The following TANC2 variants were observed in gnomAD, a reference collection of about 807,000 sequenced individuals.
TANC2 encodes the protein tetratricopeptide repeat, ankyrin repeat and coiled-coil containing 2, also known as protein TANC2.
In TANC2, 26 loss-of-function variants were observed where a neutral mutation model predicts 210.5. The observed-to-expected ratio is 0.12, with a 90% CI of 0.09 to 0.17. The LOEUF is 0.17. TANC2 is among the 10% of genes least tolerant of loss of function. TANC2 has a pLI of 1.00. For missense variants in TANC2, 2,129 were observed against 2,608.9 expected (o/e 0.82, Z 4.01); for synonymous variants, 931 against 967.1 (o/e 0.96, Z 0.69).
intron 11 of TANC2, among the ~76,000 whole-genome samples, chr17:63,319,853 AC>A (rs888132997): frequency 1.5e-4 from 23 of 152,046 alleles, no homozygotes; most frequent in African/African-American, 5.1e-4. Flanking sequence ...CTCTTCCTCT[AC>A]CCCACCCATC....
At chr17:63,049,222 A>C (rs1272893277) in intron 2 of TANC2, among the ~76,000 whole-genome samples, 1 of 152,164 alleles carries the variant, frequency 6.6e-6, no homozygotes, top group Non-Finnish European at 1.5e-5. Flanking sequence ...ATTGAATATA[A>C]AATTATTTGT....
At chr17:63,201,356 G>T (rs754923495) in intron 7 of TANC2, among the ~76,000 whole-genome samples, 7 of 152,162 alleles carry the variant, frequency 4.6e-5, no homozygotes, top group Non-Finnish European at 8.8e-5. Context: ...GATTTGAGTT[G>T]TTCTGGGTCT....
chr17:63,170,557 A>G (rs986126237), intron 5 of TANC2, among the ~76,000 whole-genome samples: 2 of 152,140 alleles, frequency 1.3e-5, no homozygotes, highest in Non-Finnish European at 2.9e-5. Flanking sequence ...AAATTCTAGC[A>G]TTTGTATTTT....
At chr17:63,296,520 C>G (rs1372389470) in intron 9 of TANC2, among the ~76,000 whole-genome samples, 1 of 152,142 alleles carries the variant, frequency 6.6e-6, no homozygotes, top group African/African-American at 2.4e-5. Flanking sequence ...AAGGCATACA[C>G]AGAAATAGGA....
chr17:63,379,753 G>A lies in TANC2; in HGVS notation c.2618G>A (p.Arg873His). Residue 873 changes from arginine to histidine, a missense_variant, in exon 15 of 28, where the codon CGC becomes CAC. Physicochemically the swap from Arg to His is conservative, Grantham distance 29. This residue lies in a region of TANC2 where 644 missense variants were observed against 937.5 expected (regional missense o/e 0.69). Coordinates refer to ENST00000689528, the Ensembl canonical transcript of TANC2. ...ACGTTACTTGCCTTCTGGTTTTCCC[G>A]CCAAGAGGGAAAACTAAACCGACAG... 1 of 1,612,350 alleles carries A rather than the reference G, an allele frequency of 6.2e-7. No homozygotes were observed. Among genetic ancestry groups the A allele is most frequent in the Non-Finnish European group, 8.5e-7 (1 of 1,178,990 alleles).
intron 2 of TANC2, among the ~76,000 whole-genome samples, chr17:63,071,338 G>A (rs2036389804): frequency 6.6e-6 from 1 of 152,002 alleles, no homozygotes; most frequent in African/African-American, 2.4e-5. Context: ...CCTAATTGGA[G>A]TGTGGTGGTG....
exon 28 of TANC2, chr17:63,425,022 A>C (rs1198968931): frequency 2.6e-5 from 4 of 152,264 alleles, no homozygotes; most frequent in Non-Finnish European, 5.9e-5. Flanking sequence ...TTAACAATTA[A>C]CAATTAATGT....
chr17:63,402,675 C>T (rs1419614063), intron 19 of TANC2, among the ~76,000 whole-genome samples: 8 of 152,266 alleles, frequency 5.3e-5, no homozygotes, highest in Admixed American at 6.5e-5. Context: ...AGATGTTTCC[C>T]GTTGAAAAAA....
intron 14 of TANC2, among the ~76,000 whole-genome samples, chr17:63,371,231 G>A (rs1486668937): frequency 2.0e-5 from 3 of 152,086 alleles, no homozygotes; most frequent in South Asian, 2.1e-4. Context: ...TTGGGAGGCC[G>A]AGGCAGGTGG....
At chr17:63,327,507 G>A (rs2045688033) in intron 11 of TANC2, among the ~76,000 whole-genome samples, 1 of 152,116 alleles carries the variant, frequency 6.6e-6, no homozygotes, top group Non-Finnish European at 1.5e-5. Flanking sequence ...TTTTAAAAAA[G>A]CAGTTTGGAA....
chr17:63,210,440 C>T (rs2041850157), intron 7 of TANC2, among the ~76,000 whole-genome samples: 1 of 152,228 alleles, frequency 6.6e-6, no homozygotes, highest in African/African-American at 2.4e-5. Flanking sequence ...CCCTCCTCTA[C>T]ACTTATGAGA....
At chr17:63,212,560 A>G (rs2041918092) in intron 7 of TANC2, among the ~76,000 whole-genome samples, 1 of 152,176 alleles carries the variant, frequency 6.6e-6, no homozygotes, top group Admixed American at 6.5e-5. Context: ...TTACATTAGG[A>G]AAATGGAATG....
intron 8 of TANC2, among the ~76,000 whole-genome samples, chr17:63,253,167 G>A (rs558225623): frequency 2.0e-5 from 3 of 152,012 alleles, no homozygotes; most frequent in Non-Finnish European, 2.9e-5. Flanking sequence ...ATAATATCTC[G>A]CTGAAGTTTT....
At chr17:63,005,490 A>AG in intron 1 of TANC2, among the ~76,000 whole-genome samples, 1 of 151,990 alleles carries the variant, frequency 6.6e-6, no homozygotes, top group Admixed American at 6.5e-5. Context: ...ACAAAAAAAA[A>AG]AGCCTGCTGG....
At position 63,277,415 on chromosome 17, in the gene TANC2, A is replaced by G. The variant is rs183695026; in HGVS notation, c.1159+9542A>G. Among the ~76,000 whole-genome samples the G allele has an allele frequency of 4.8e-3, 725 of 151,904 alleles. 4 individuals are homozygous for G. The highest frequency in any genetic ancestry group is 7.9e-3 in the Non-Finnish European group (538 of 67,962). On this transcript the variant is annotated intron_variant, in intron 9 of 27. Transcript: ENST00000689528. Reference sequence around the variant, plus strand: ...GTATTAAGCCGAAGACCCATCAGTTATCTTTTCTGCTTCTCTGGTCTTTCT... The same window carrying G: ...GTATTAAGCCGAAGACCCATCAGTTGTCTTTTCTGCTTCTCTGGTCTTTCT...
At chr17:63,046,206 C>CTGGA (rs1202986684) in intron 2 of TANC2, among the ~76,000 whole-genome samples, 1 of 151,346 alleles carries the variant, frequency 6.6e-6, no homozygotes, top group African/African-American at 2.4e-5. Context: ...GTTGCCCAGG[C>CTGGA]TGGAGTGCAG....
Position 63,360,693 on chromosome 17 carries a change from C to G in TANC2, c.2582+5303C>G, listed in dbSNP as rs540364570. Among the ~76,000 whole-genome samples the G allele has an allele frequency of 6.6e-5, 10 of 152,242 alleles. 1 individual carries two copies. In the South Asian group the frequency reaches 2.1e-3, roughly 32 times the overall value. ...ATGTTTGATTAAATTATTTTTTACT[C>G]TAGTCACCTTGTTGTGCCAGCAAAT... On this transcript the variant is annotated intron_variant, in intron 14 of 27. Transcript: ENST00000689528.
intron 2 of TANC2, among the ~76,000 whole-genome samples, chr17:63,069,604 A>G (rs867180103): frequency 1.3e-5 from 2 of 152,198 alleles, no homozygotes; most frequent in Non-Finnish European, 1.5e-5. Context: ...TTATGCCCAC[A>G]TACTGACTTT....
At chr17:63,080,834 TA>T (rs2036745396) in intron 3 of TANC2, among the ~76,000 whole-genome samples, 1 of 152,188 alleles carries the variant, frequency 6.6e-6, no homozygotes, top group Admixed American at 6.5e-5. Context: ...GTAGCATTAC[TA>T]ATGAATAAGA....
Sources: allele counts gnomAD v4.1 joint callset (sites outside exome capture counted in the v4.1 genomes callset), GRCh38; gene constraint gnomAD v4.1.1; regional missense constraint gnomAD v4.1.1; transcripts MANE v1.5; gene names NCBI Gene and HGNC (gene_info 2026-07-23, HGNC 2026-07-21).